AGBL1: variants seen among roughly 807,000 people sequenced by gnomAD.
AGBL1 encodes cytosolic carboxypeptidase 4.
Under a neutral mutation model 118.9 loss-of-function variants are expected in AGBL1, and 130 were observed. The observed-to-expected ratio is 1.09, with a 90% CI of 0.95 to 1.26. The LOEUF is 1.26. Among genes scored for constraint, AGBL1 ranks in the 50% most tolerant of loss-of-function variants. AGBL1 has a pLI of 0.00. For missense variants in AGBL1, 1,584 were observed against 1,298.1 expected (o/e 1.22, Z -3.38); for synonymous variants, 555 against 478.9 (o/e 1.16, Z -2.08).
intron 23 of AGBL1, among the ~76,000 whole-genome samples, chr15:86,974,678 T>C (rs1045706657): frequency 6.0e-5 from 9 of 149,384 alleles, no homozygotes; most frequent in Admixed American, 1.4e-4. Flanking sequence ...AAAGGAATAA[T>C]AGCAAGTAAA....
intron 18 of AGBL1, among the ~76,000 whole-genome samples, chr15:86,474,124 T>G (rs532078038): frequency 2.6e-5 from 4 of 152,252 alleles, no homozygotes; most frequent in African/African-American, 9.6e-5. Context: ...TAGGAATAGC[T>G]CAAGTCTACA....
intron 18 of AGBL1, among the ~76,000 whole-genome samples, chr15:86,452,911 T>C (rs2082213682): frequency 1.3e-5 from 2 of 152,190 alleles, no homozygotes; most frequent in Non-Finnish European, 2.9e-5. Context: ...CCCTGGTATG[T>C]ACCCGGTCTG....
At chr15:86,374,463 G>T (rs766359013) in intron 17 of AGBL1, among the ~76,000 whole-genome samples, 5 of 152,190 alleles carry the variant, frequency 3.3e-5, no homozygotes, top group African/African-American at 1.2e-4. Context: ...TGGGGCATGT[G>T]ACTTGTCTTG....
chr15:86,443,741 T>A (rs2082090564), intron 18 of AGBL1, among the ~76,000 whole-genome samples: 1 of 152,206 alleles, frequency 6.6e-6, no homozygotes, highest in Non-Finnish European at 1.5e-5. Context: ...AAACATAGTG[T>A]CCTCCAAACT....
intron 22 of AGBL1, among the ~76,000 whole-genome samples, chr15:86,858,496 G>GTGTA (rs901901628): frequency 1.3e-5 from 2 of 151,502 alleles, no homozygotes; most frequent in Non-Finnish European, 2.9e-5. Context: ...GTGTGTGTGT[G>GTGTA]TAAGGGAGCA....
intron 22 of AGBL1, among the ~76,000 whole-genome samples, chr15:86,737,262 T>G (rs1429147974): frequency 6.6e-6 from 1 of 152,078 alleles, no homozygotes; most frequent in African/African-American, 2.4e-5. Context: ...GGAGGTGATA[T>G]CTGAGCTGGG....
intron 3 of AGBL1, among the ~76,000 whole-genome samples, chr15:86,150,610 T>A (rs984951182): frequency 2.0e-5 from 3 of 151,982 alleles, no homozygotes; most frequent in Non-Finnish European, 4.4e-5. Flanking sequence ...AATAACAGGC[T>A]CTGAAATTGA....
In AGBL1 at chr15:86,971,658, T is replaced by A. The variant is rs140904489; in HGVS notation, c.3222-16329T>A. On this transcript the variant is annotated intron_variant, in intron 23 of 24. Coordinates refer to the AGBL1 transcript ENST00000441037. Reference sequence around the variant, plus strand: ...GATTTCTCCTCTTATTTGCGTAACTTAAATAACTGAGGTAATTTGGTATCT... The same window carrying A: ...GATTTCTCCTCTTATTTGCGTAACTAAAATAACTGAGGTAATTTGGTATCT... Among the ~76,000 whole-genome samples the A allele has an allele frequency of 1.4e-3, 210 of 152,140 alleles. 1 individual carries two copies. Among genetic ancestry groups the A allele is most frequent in the African/African-American group, 4.8e-3 (201 of 41,554 alleles).
chr15:86,240,920 C>T (rs142386504), intron 6 of AGBL1, among the ~76,000 whole-genome samples: 1 of 152,148 alleles, frequency 6.6e-6, no homozygotes, highest in East Asian at 1.9e-4. Flanking sequence ...AAACATGTAA[C>T]TGCTATCAGT....
chr15:86,966,514 C>T (rs1345507781), intron 23 of AGBL1, among the ~76,000 whole-genome samples: 2 of 151,970 alleles, frequency 1.3e-5, no homozygotes, highest in Admixed American at 6.6e-5. Context: ...TGTGATGTTC[C>T]CCTTCCTGTG....
At chr15:86,266,501 T>C in intron 12 of AGBL1, 44 bp downstream of exon 12, 1 of 1,364,258 alleles carries the variant, frequency 7.3e-7, no homozygotes, top group Non-Finnish European at 1.0e-6. Flanking sequence ...CATGGAGAAT[T>C]CTCTTAATGG....
At chr15:86,724,301 A>G (rs1268552235) in intron 22 of AGBL1, among the ~76,000 whole-genome samples, 2 of 151,902 alleles carry the variant, frequency 1.3e-5, no homozygotes, top group African/African-American at 4.8e-5. Flanking sequence ...AAAATCAATG[A>G]CAAGAACATC....
At chr15:86,349,834 T>C (rs2080597910) in intron 17 of AGBL1, among the ~76,000 whole-genome samples, 1 of 152,228 alleles carries the variant, frequency 6.6e-6, no homozygotes, top group Admixed American at 6.5e-5. Context: ...GAAAGAGCTC[T>C]GGAAGGAAAG....
At chr15:86,555,175 G>C (rs1202654765) in intron 21 of AGBL1, among the ~76,000 whole-genome samples, 1 of 152,146 alleles carries the variant, frequency 6.6e-6, no homozygotes. Flanking sequence ...AGGCTGTTCT[G>C]GCTGCTTTTC....
intron 19 of AGBL1, among the ~76,000 whole-genome samples, chr15:86,537,131 C>A (rs1056586046): frequency 2.0e-5 from 3 of 152,306 alleles, no homozygotes; most frequent in Non-Finnish European, 2.9e-5. Context: ...AAGGGCAAAT[C>A]TCTTTACAGG....
At chr15:86,534,428 A>G (rs17680711) in intron 19 of AGBL1, among the ~76,000 whole-genome samples, 87,381 of 152,022 alleles carry the variant, frequency 0.57, 26,221 homozygotes, top group African/African-American at 0.74. Context: ...TGATCTCTTG[A>G]GTCTTCTGCC....
rs761644382 is a variant in AGBL1, at chr15:86,374,273, G to A, written c.2375-23093G>A. ...AAGATTTGTATCTTAGTGAGGAAAC[G>A]TCTGTGGATTTATTACAAAGCCTAT... On this transcript the variant is annotated intron_variant, in intron 17 of 22. Coordinates refer to ENST00000614907, the MANE Select transcript of AGBL1 (RefSeq NM_001386094.1). Among the ~76,000 whole-genome samples, 10 of 152,184 alleles carry A rather than the reference G, an allele frequency of 6.6e-5. No homozygotes were observed. The East Asian group carries it at 9.6e-4, about 15-fold the overall frequency.
chr15:86,618,752 A>T (rs544741201), intron 21 of AGBL1, among the ~76,000 whole-genome samples: 6 of 152,296 alleles, frequency 3.9e-5, no homozygotes, highest in African/African-American at 1.4e-4. Flanking sequence ...TGGATCATAG[A>T]CTGATCTACT....
At chr15:86,277,227 T>C (rs747154557) in intron 15 of AGBL1, among the ~76,000 whole-genome samples, 2 of 151,834 alleles carry the variant, frequency 1.3e-5, no homozygotes, top group African/African-American at 4.8e-5. Context: ...GCCTTTAGTC[T>C]TGCTCGGGAG....
Sources: gnomAD v4.1 joint callset for allele counts (sites outside exome capture counted in the v4.1 genomes callset) on GRCh38, gnomAD v4.1.1 for gene constraint, MANE v1.5 for transcripts, NCBI Gene and HGNC (gene_info 2026-07-23, HGNC 2026-07-21) for gene names.